DCAF6: variants seen among roughly 807,000 people sequenced by gnomAD.
DCAF6 encodes the protein DDB1- and CUL4-associated factor 6.
A neutral mutation model predicts 125.1 loss-of-function variants in DCAF6; 54 were observed. The ratio of observed to expected loss-of-function variants is 0.43; its 90% CI spans 0.35 to 0.54. The LOEUF is 0.54. DCAF6 is among the 20% of genes least tolerant of loss of function. The pLI is 0.01. For missense variants in DCAF6, 934 were observed against 1,161.7 expected (o/e 0.80, Z 2.85); for synonymous variants, 371 against 390.4 (o/e 0.95, Z 0.58).
the DCAF6 span, chr1:167,904,875 C>T: frequency 1.5e-6 from 2 of 1,353,314 alleles, no homozygotes; most frequent in East Asian, 4.7e-5. Flanking sequence ...AGCACATCTG[C>T]TGTGACAGCC....
chr1:167,899,346 T>C, the DCAF6 span: 1 of 1,422,492 alleles, frequency 7.0e-7, no homozygotes, highest in African/African-American at 1.4e-5. Context: ...GAAACCAGCG[T>C]GCCCAGTGAC....
chr1:167,951,290 A>G (rs1255433306), intron 1 of DCAF6, among the ~76,000 whole-genome samples: 1 of 152,204 alleles, frequency 6.6e-6, no homozygotes, highest in East Asian at 1.9e-4. Context: ...TAAAATAACT[A>G]CAGGCCGGGC....
the DCAF6 span, among the ~76,000 whole-genome samples, chr1:167,875,783 T>C: frequency 6.6e-6 from 1 of 152,058 alleles, no homozygotes; most frequent in Non-Finnish European, 1.5e-5. Flanking sequence ...ACCCCGTCTC[T>C]ACCAAAAATA....
At chr1:167,920,915 C>CAT in the DCAF6 span, among the ~76,000 whole-genome samples, 1 of 152,058 alleles carries the variant, frequency 6.6e-6, no homozygotes, top group Non-Finnish European at 1.5e-5. Context: ...ATTACACGTA[C>CAT]ATATATATTT....
Position 167,953,664 on chromosome 1 carries a change from A to G in DCAF6, c.159+1803A>G, listed in dbSNP as rs140740178. Among the ~76,000 whole-genome samples the G allele has an allele frequency of 3.9e-3, 589 of 152,186 alleles. 2 individuals are homozygous for G. Among genetic ancestry groups the G allele is most frequent in the African/African-American group, 0.014 (570 of 41,534 alleles). ...CACCAAGGCTGGAGTGAGTGGTGCA[A>G]TCTTGGCTCACTGCAACCTCCGTCT... On this transcript the variant is annotated intron_variant, in intron 2 of 21. Coordinates refer to ENST00000367840, the MANE Select transcript of DCAF6 (RefSeq NM_001198956.2).
chr1:167,883,898 A>C, the DCAF6 span, among the ~76,000 whole-genome samples: 1 of 152,172 alleles, frequency 6.6e-6, no homozygotes, highest in African/African-American at 2.4e-5. Context: ...AATATGAGCC[A>C]TTGCAATAAG....
the DCAF6 span, among the ~76,000 whole-genome samples, chr1:167,864,897 A>AAAG: frequency 7.1e-6 from 1 of 139,976 alleles, no homozygotes; most frequent in Admixed American, 7.0e-5. Context: ...GCTAACAGGA[A>AAAG]AAAAAAAAAA....
chr1:167,864,747 C>T, the DCAF6 span, among the ~76,000 whole-genome samples: 1 of 152,234 alleles, frequency 6.6e-6, no homozygotes, highest in East Asian at 1.9e-4. Flanking sequence ...CTCCGTAACC[C>T]TGTAACACTC....
At chr1:167,988,555 A>G (rs149410717) in intron 5 of DCAF6, among the ~76,000 whole-genome samples, 3 of 152,108 alleles carry the variant, frequency 2.0e-5, no homozygotes, top group Non-Finnish European at 2.9e-5. Context: ...TTTTCCTGAC[A>G]TACATTATTA....
intron 3 of DCAF6, among the ~76,000 whole-genome samples, chr1:167,972,323 A>G (rs528088046): frequency 2.0e-5 from 3 of 152,388 alleles, no homozygotes; most frequent in African/African-American, 7.2e-5. Flanking sequence ...ATACATACAT[A>G]ACACGAATAA....
At chr1:167,956,138 T>A (rs1180649428) in intron 2 of DCAF6, among the ~76,000 whole-genome samples, 1 of 152,184 alleles carries the variant, frequency 6.6e-6, no homozygotes, top group Non-Finnish European at 1.5e-5. Context: ...AGGTTGAGGA[T>A]GTTCTCCTCT....
At chr1:167,874,841 T>C in the DCAF6 span, among the ~76,000 whole-genome samples, 1 of 152,174 alleles carries the variant, frequency 6.6e-6, no homozygotes, top group Non-Finnish European at 1.5e-5. Flanking sequence ...AACATACCAT[T>C]GAGTAAGAGA....
At position 167,941,481 on chromosome 1, in the gene DCAF6, C is replaced by A. The variant is rs564679887; in HGVS notation, c.97+4473C>A. Among the ~76,000 whole-genome samples, 21 of 152,212 alleles carry A rather than the reference C, an allele frequency of 1.4e-4. No individual in the cohort carries two copies. The South Asian group carries it at 4.3e-3, about 32-fold the overall frequency. On this transcript the variant is annotated intron_variant, in intron 1 of 21. Transcript: ENST00000367840. ...TTAAAAATGATCCATGATAAAAGTA[C>A]ATTTATGTGGCAACCTGTGATATAC...
At chr1:167,879,697 T>TA in the DCAF6 span, among the ~76,000 whole-genome samples, 1 of 152,200 alleles carries the variant, frequency 6.6e-6, no homozygotes, top group Non-Finnish European at 1.5e-5. Flanking sequence ...AGGGAAGTAA[T>TA]AGAGTTGTGA....
At chr1:167,903,075 T>TA in the DCAF6 span, among the ~76,000 whole-genome samples, 2 of 151,456 alleles carry the variant, frequency 1.3e-5, no homozygotes, top group Admixed American at 6.6e-5. Context: ...GCCAACATGG[T>TA]AAAACCCTAT....
intron 1 of DCAF6, among the ~76,000 whole-genome samples, chr1:167,943,827 A>T (rs55675849): frequency 0.03 from 4,544 of 152,074 alleles, 231 homozygotes; most frequent in African/African-American, 0.1. Flanking sequence ...ACGTTGCTGT[A>T]TATGTCATGA....
At chr1:167,883,013 C>A in the DCAF6 span, among the ~76,000 whole-genome samples, 13 of 152,172 alleles carry the variant, frequency 8.5e-5, no homozygotes, top group Admixed American at 6.5e-5. Flanking sequence ...TAATTATAAA[C>A]AAAGACTGGC....
intron 12 of DCAF6, 38 bp downstream of exon 12, chr1:168,023,085 A>G (rs1465881198): frequency 6.2e-7 from 1 of 1,602,778 alleles, no homozygotes; most frequent in African/African-American, 1.3e-5. Flanking sequence ...CCATCCATCC[A>G]TAGCTTTATT....
chr1:167,994,955 A>G (rs1172757007), intron 7 of DCAF6, among the ~76,000 whole-genome samples: 3 of 152,146 alleles, frequency 2.0e-5, no homozygotes, highest in African/African-American at 7.2e-5. Context: ...AGAGGGCTGT[A>G]AAATTAGAAA....
Sources: gnomAD v4.1 joint callset for allele counts (sites outside exome capture counted in the v4.1 genomes callset) on GRCh38, gnomAD v4.1.1 for gene constraint, MANE v1.5 for transcripts, NCBI Gene and HGNC (gene_info 2026-07-23, HGNC 2026-07-21) for gene names.